The following ARMH3 variants were observed in gnomAD, a reference collection of about 807,000 sequenced individuals.
ARMH3 encodes the protein armadillo-like helical domain-containing protein 3.
Under a neutral mutation model 99.1 loss-of-function variants are expected in ARMH3, and 60 were observed. The observed-to-expected ratio is 0.61, with a 90% CI of 0.49 to 0.75. The LOEUF (loss-of-function observed/expected upper bound fraction) is 0.75. Ranked by LOEUF, ARMH3 falls within the 30% of genes least tolerant of loss-of-function variation. The pLI, the probability that ARMH3 is intolerant of heterozygous loss-of-function variation, is 0.00. For missense variants in ARMH3, 679 were observed against 843.1 expected (o/e 0.81, Z 2.41); for synonymous variants, 285 against 292.8 (o/e 0.97, Z 0.27).
intron 1 of ARMH3, among the ~76,000 whole-genome samples, chr10:102,055,137 C>T (rs2067809258): frequency 1.3e-5 from 2 of 151,574 alleles, no homozygotes; most frequent in South Asian, 4.2e-4. Flanking sequence ...GCCTGACCAA[C>T]ATGGAGAAAT....
intron 1 of ARMH3, among the ~76,000 whole-genome samples, chr10:102,042,651 A>G (rs11191193): frequency 0.27 from 40,623 of 152,176 alleles, 6,204 homozygotes; most frequent in Non-Finnish European, 0.35. Context: ...ATGACAACAT[A>G]AAGTCTTCTC....
At position 102,029,747 on chromosome 10, in the gene ARMH3, T is replaced by G; in HGVS notation, c.307-2A>C. 1 of 1,608,278 alleles carries G rather than the reference T, an allele frequency of 6.2e-7. No homozygotes were observed. The highest frequency in any genetic ancestry group is 8.5e-7 in the Non-Finnish European group (1 of 1,175,322). On this transcript the variant is annotated splice_acceptor_variant, in intron 4 of 25. Coordinates refer to ENST00000370033, the MANE Select transcript of ARMH3 (RefSeq NM_024541.3). LOFTEE classifies it high-confidence loss of function. ...TCCTCGAATGAGTGCGCACAGGGTC[T>G]GCAGAAATGAGAGAAAGAATTCTTT... is the stretch of plus-strand genomic sequence containing the variant.
In ARMH3 at chr10:101,957,693, G is replaced by T. The variant is rs979486590; in HGVS notation, c.1535C>A (p.Thr512Asn). The T allele has an allele frequency of 6.2e-7, 1 of 1,604,694 alleles. No homozygotes were observed. Among genetic ancestry groups the T allele is most frequent in the Admixed American group, 1.7e-5 (1 of 59,094 alleles). Residue 512 changes from threonine (T) to asparagine (N), a missense_variant, in exon 21 of 26, where the codon ACT (threonine) becomes AAT (asparagine). By Grantham distance (65) the Thr-to-Asn change is moderately conservative. This residue lies in a region of ARMH3 where 389 missense variants were observed against 456.5 expected (regional missense o/e 0.85). Coordinates refer to ENST00000370033, the MANE Select transcript of ARMH3 (RefSeq NM_024541.3). The part of the protein sequence containing the change: ...NLLKFLMSNE[T>N]VLLAKHNIFT... ...AATGTTGTGTTTGGCCAAAAGTACA[G>T]TCTCATTTGACATAAGGAACTTCAG...
intron 2 of ARMH3, among the ~76,000 whole-genome samples, chr10:102,038,156 G>A (rs1297464045): frequency 2.8e-5 from 4 of 144,502 alleles, no homozygotes; most frequent in East Asian, 2.0e-4. Flanking sequence ...GTGCAGTGGC[G>A]CGATCTCAGC....
rs150690794 is a variant in ARMH3 at position 101,892,360 on chromosome 10, G to A, written c.1782-2870C>T. On this transcript the variant is annotated intron_variant, in intron 23 of 25. Coordinates refer to ENST00000370033, the MANE Select transcript of ARMH3 (RefSeq NM_024541.3). ...TGTAGTCTCAGCTACTTGGAAGGCTGAAGTGGGAGGATCACTTGAGCCCAG... is the reference window on the plus strand; with the variant it reads ...TGTAGTCTCAGCTACTTGGAAGGCTAAAGTGGGAGGATCACTTGAGCCCAG... Among the ~76,000 whole-genome samples, 3 of 152,246 alleles carry A rather than the reference G, an allele frequency of 2.0e-5. No homozygotes were observed. The East Asian group carries it at 5.8e-4, about 29-fold the overall frequency.
At chr10:101,865,426 G>A (rs770948650) in intron 24 of ARMH3, among the ~76,000 whole-genome samples, 42 of 152,052 alleles carry the variant, frequency 2.8e-4, no homozygotes, top group Admixed American at 9.2e-4. Flanking sequence ...GTAAGCAAAC[G>A]TAAAGAGGCA....
chr10:102,018,904 C>A (rs1455210223), intron 8 of ARMH3, among the ~76,000 whole-genome samples: 1 of 152,024 alleles, frequency 6.6e-6, no homozygotes, highest in Non-Finnish European at 1.5e-5. Context: ...TTGCAGTGAG[C>A]CAAGATCATG....
At chr10:101,904,020 C>T (rs776039699) in intron 23 of ARMH3, among the ~76,000 whole-genome samples, 5 of 152,290 alleles carry the variant, frequency 3.3e-5, no homozygotes, top group Non-Finnish European at 7.4e-5. Context: ...GTGCCGTGCC[C>T]GCCCTCTGCG....
rs867248868 is a variant in ARMH3, at chr10:101,960,876, C to T, written c.1496-3144G>A. On this transcript the variant is annotated intron_variant, in intron 20 of 25. Transcript: ENST00000370033. ...CAGCACTCTAGCCTGGGCGACAGAG[C>T]AAAACTCCGTCTCAAAAAAAAAAAA... Among the ~76,000 whole-genome samples the T allele has an allele frequency of 7.8e-4, 80 of 102,450 alleles. 1 individual carries two copies. The highest frequency in any genetic ancestry group is 0.015 in the Middle Eastern group (2 of 134). The allele number at this position is 102,450 out of a possible 152,430, so 67.2% of individuals were successfully genotyped here.
intron 2 of ARMH3, among the ~76,000 whole-genome samples, chr10:102,037,464 G>A (rs745708511): frequency 2.0e-5 from 3 of 152,100 alleles, no homozygotes; most frequent in Non-Finnish European, 2.9e-5. Flanking sequence ...GATTACAGGC[G>A]TGAGCCACCA....
In ARMH3 at chr10:102,046,300, G is replaced by C. The variant is rs1409953803; in HGVS notation, c.-11-6175C>G. Among the ~76,000 whole-genome samples, 7 of 145,192 alleles carry C rather than the reference G, an allele frequency of 4.8e-5. No individual in the cohort carries two copies. In the South Asian group the frequency reaches 1.1e-3, roughly 23 times the overall value. On this transcript the variant is annotated intron_variant, in intron 1 of 25. Coordinates refer to ENST00000370033, the MANE Select transcript of ARMH3 (RefSeq NM_024541.3). ...AAAGAGAGGGAGAGAGAGAAAGAAA[G>C]AGAGAAAGAGAGAAAAGAGAGAGAA...
intron 2 of ARMH3, among the ~76,000 whole-genome samples, chr10:102,036,033 G>A (rs2067249872): frequency 6.6e-6 from 1 of 151,960 alleles, no homozygotes; most frequent in South Asian, 2.1e-4. Context: ...CGACTGGGAG[G>A]TGGGGAGCGT....
At chr10:101,957,867 A>G in intron 20 of ARMH3, 135 bp from the exon 21 acceptor site, 3 of 1,265,188 alleles carry the variant, frequency 2.4e-6, no homozygotes, top group Non-Finnish European at 3.2e-6. Context: ...TCTTTTAAAA[A>G]GCAGGTAAGG....
intron 1 of ARMH3, among the ~76,000 whole-genome samples, chr10:102,055,322 T>TAAATA (rs893117241): frequency 6.8e-4 from 102 of 150,226 alleles, no homozygotes; most frequent in Admixed American, 1.4e-3. Flanking sequence ...AATAAATAAA[T>TAAATA]AAATAAAATA....
chr10:101,999,806 C>T (rs1179900025), intron 15 of ARMH3, among the ~76,000 whole-genome samples: 1 of 152,030 alleles, frequency 6.6e-6, no homozygotes, highest in African/African-American at 2.4e-5. Context: ...TCAGCCAGGC[C>T]GGGCGTGGTG....
chr10:102,012,648 T>C (rs2066657116), intron 10 of ARMH3, among the ~76,000 whole-genome samples, 185 bp downstream of exon 10: 1 of 152,194 alleles, frequency 6.6e-6, no homozygotes, highest in Non-Finnish European at 1.5e-5. Context: ...ACTTTTCCCC[T>C]GGTGTTAAAA....
intron 6 of ARMH3, among the ~76,000 whole-genome samples, chr10:102,024,126 T>A (rs1224151501): frequency 6.6e-6 from 1 of 152,096 alleles, no homozygotes; most frequent in African/African-American, 2.4e-5. Context: ...CCACCCTCCT[T>A]CCACTAGAAA....
At chr10:101,938,572 T>C (rs952038752) in intron 23 of ARMH3, among the ~76,000 whole-genome samples, 2 of 152,230 alleles carry the variant, frequency 1.3e-5, no homozygotes, top group Non-Finnish European at 2.9e-5. Flanking sequence ...ACATAAATTA[T>C]ACCCATATGC....
At chr10:101,940,832 C>T (rs969353960) in intron 22 of ARMH3, among the ~76,000 whole-genome samples, 4 of 152,102 alleles carry the variant, frequency 2.6e-5, no homozygotes, top group Non-Finnish European at 5.9e-5. Flanking sequence ...AAATATAGAC[C>T]TGAATATATC....
Sources: allele counts gnomAD v4.1 joint callset (sites outside exome capture counted in the v4.1 genomes callset), GRCh38; gene constraint gnomAD v4.1.1; regional missense constraint gnomAD v4.1.1; transcripts MANE v1.5; gene names NCBI Gene and HGNC (gene_info 2026-07-23, HGNC 2026-07-21).